Variants in MTMR9 observed in about 807,000 individuals in gnomAD.
The protein encoded by MTMR9 is myotubularin related protein 9.
Under a neutral mutation model 69.5 loss-of-function variants are expected in MTMR9, and 39 were observed. The observed-to-expected ratio is 0.56, with a 90% CI of 0.43 to 0.73. The LOEUF is 0.73. Ranked by LOEUF, MTMR9 falls within the 30% of genes least tolerant of loss-of-function variation. The pLI is 0.00. For missense variants in MTMR9, 900 were observed against 671.2 expected, an observed-to-expected ratio of 1.34 and a Z score of -3.77; for synonymous variants, 354 against 240.8, an observed-to-expected ratio of 1.47 and a Z score of -4.35.
intron 2 of MTMR9, among the ~76,000 whole-genome samples, chr8:11,298,182 G>A (rs1236600275): frequency 1.3e-5 from 2 of 152,082 alleles, no homozygotes; most frequent in Non-Finnish European, 2.9e-5. Context: ...TGTGTTTAAA[G>A]GAAAAGACCT....
chr8:11,303,731 G>T (rs1799834625), intron 3 of MTMR9, among the ~76,000 whole-genome samples: 1 of 152,006 alleles, frequency 6.6e-6, no homozygotes, highest in African/African-American at 2.4e-5. Flanking sequence ...ATGGGGTTTG[G>T]CCATGTTGCC....
chr8:11,337,402 A>G, the MTMR9 span, among the ~76,000 whole-genome samples: 61,832 of 152,022 alleles, frequency 0.41, 14,171 homozygotes, highest in East Asian at 0.74. Flanking sequence ...CGTTCTCCAG[A>G]CCATCACTCA....
chr8:11,314,674 C>T (rs1800338752), intron 6 of MTMR9, among the ~76,000 whole-genome samples: 1 of 152,172 alleles, frequency 6.6e-6, no homozygotes, highest in Admixed American at 6.5e-5. Flanking sequence ...TTAAAGAGGT[C>T]TTGCCATGTG....
At chr8:11,314,242 G>T (rs1800319458) in intron 6 of MTMR9, among the ~76,000 whole-genome samples, 1 of 152,214 alleles carries the variant, frequency 6.6e-6, no homozygotes. Context: ...GGTAGAAGAA[G>T]GGGAGGGGAG....
In MTMR9 at chr8:11,322,694, T is replaced by C. The variant is rs1395186411; in HGVS notation, c.1556T>C (p.Ile519Thr). 20 of 1,613,832 alleles carry C rather than the reference T, an allele frequency of 1.2e-5. No individual in the cohort carries two copies. Among genetic ancestry groups the C allele is most frequent in the Admixed American group, 3.3e-5 (2 of 59,998 alleles). Residue 519 changes from isoleucine to threonine, a missense_variant, in exon 10 of 10, where the codon ATT becomes ACT. Coordinates refer to ENST00000221086, the MANE Select transcript of MTMR9 (RefSeq NM_015458.4). The stretch of plus-strand genomic sequence containing the variant: ...GCATATGAAGAAATGGTTAACATCA[T>C]TGAATATAATAAAGAATTACAAGCA... ...DEAYEEMVNI[I>T]EYNKELQAKV...
intron 5 of MTMR9, among the ~76,000 whole-genome samples, chr8:11,308,954 T>A (rs920731152): frequency 6.6e-6 from 1 of 152,170 alleles, no homozygotes; most frequent in Non-Finnish European, 1.5e-5. Context: ...CTGAACAGAT[T>A]TGCTACATAT....
chr8:11,293,965 T>TGG (rs1799460016), intron 1 of MTMR9, among the ~76,000 whole-genome samples: 1 of 152,218 alleles, frequency 6.6e-6, no homozygotes. Context: ...GCCTTGAAAT[T>TGG]GTGTAGTGTT....
At chr8:11,338,711 A>C in the MTMR9 span, among the ~76,000 whole-genome samples, 4 of 152,202 alleles carry the variant, frequency 2.6e-5, no homozygotes, top group Admixed American at 6.5e-5. Flanking sequence ...GTCAGCTGGC[A>C]CGATGAAAAA....
At chr8:11,304,168 G>T (rs1426268966) in intron 3 of MTMR9, among the ~76,000 whole-genome samples, 1 of 151,990 alleles carries the variant, frequency 6.6e-6, no homozygotes, top group Non-Finnish European at 1.5e-5. Context: ...TCCTTACTCA[G>T]TTTGAAATTA....
chr8:11,328,327 T>G (rs1801039502), downstream of MTMR9, among the ~76,000 whole-genome samples: 1 of 148,692 alleles, frequency 6.7e-6, no homozygotes, highest in Admixed American at 6.9e-5. Flanking sequence ...AAATTTTCCA[T>G]ATTTGCTTTA....
the MTMR9 span, among the ~76,000 whole-genome samples, chr8:11,339,030 G>C: frequency 2.0e-5 from 3 of 152,196 alleles, no homozygotes; most frequent in Admixed American, 1.3e-4. Context: ...CAGGTTATAG[G>C]ACATTGTGTG....
intron 4 of MTMR9, 89 bp downstream of exon 4, chr8:11,305,103 T>A: frequency 8.0e-6 from 10 of 1,252,896 alleles, no homozygotes; most frequent in Non-Finnish European, 1.1e-5. Flanking sequence ...CTCTGTCTGT[T>A]CACTGAAATG....
chr8:11,315,206 C>A, intron 7 of MTMR9, 142 bp downstream of exon 7: 1 of 995,206 alleles, frequency 1.0e-6, no homozygotes. Context: ...GACAGTTAAT[C>A]TGTCTTCTCC....
chr8:11,309,995 A>C (rs1800130873), intron 6 of MTMR9, among the ~76,000 whole-genome samples: 1 of 152,026 alleles, frequency 6.6e-6, no homozygotes, highest in Admixed American at 6.6e-5. Flanking sequence ...TTTTTCTTAA[A>C]CTGTGAAATA....
intron 2 of MTMR9, among the ~76,000 whole-genome samples, chr8:11,295,924 A>G (rs1298015267): frequency 1.3e-5 from 2 of 152,200 alleles, no homozygotes; most frequent in East Asian, 1.9e-4. Context: ...TTCCTTAGAG[A>G]CACTGCAAAC....
rs969170563 is a variant in MTMR9, at chr8:11,325,329, A to C, written c.*2541A>C. The stretch of plus-strand genomic sequence containing the variant: ...GTTCGTGCTTACCTGGATGAGAAGA[A>C]TAAATGACACGGATACACTCCTGAG... On this transcript the variant is annotated 3_prime_UTR_variant, in exon 10 of 10. Coordinates refer to ENST00000221086, the MANE Select transcript of MTMR9 (RefSeq NM_015458.4). 5 of 152,230 alleles carry C rather than the reference A, an allele frequency of 3.3e-5. No homozygotes were observed. Among genetic ancestry groups the C allele is most frequent in the Admixed American group, 6.5e-5 (1 of 15,286 alleles). 9.4% of individuals were successfully genotyped at this position (152,230 alleles called of 1,614,324 possible).
downstream of MTMR9, chr8:11,331,721 G>A (rs1801238833): frequency 1.2e-6 from 2 of 1,611,934 alleles, no homozygotes; most frequent in South Asian, 2.2e-5. Flanking sequence ...CGCTGTCCCT[G>A]GGGCTTCTGG....
chr8:11,332,578 G>C (rs1052471398), downstream of MTMR9, among the ~76,000 whole-genome samples: 1 of 150,492 alleles, frequency 6.6e-6, no homozygotes, highest in East Asian at 2.0e-4. Context: ...AGAAGGGTTC[G>C]ATAGAGTTTG....
chr8:11,318,670 T>C (rs1462501023), intron 8 of MTMR9: 1 of 152,250 alleles, frequency 6.6e-6, no homozygotes, highest in East Asian at 1.9e-4. Context: ...TCTAACAGTT[T>C]ATTCACATGA....
Sources: gnomAD v4.1 joint callset for allele counts (sites outside exome capture counted in the v4.1 genomes callset) on GRCh38, gnomAD v4.1.1 for gene constraint, MANE v1.5 for transcripts, NCBI Gene and HGNC (gene_info 2026-07-23, HGNC 2026-07-21) for gene names.